MACROD2: variants seen among roughly 807,000 people sequenced by gnomAD.
MACROD2 encodes ADP-ribose glycohydrolase MACROD2.
Under a neutral mutation model 70.4 loss-of-function variants are expected in MACROD2, and 36 were observed. The ratio of observed to expected loss-of-function variants is 0.51; its 90% CI spans 0.39 to 0.68. The LOEUF is 0.68. MACROD2 is among the 30% of genes least tolerant of loss of function. The pLI, the probability that MACROD2 is intolerant of heterozygous loss-of-function variation, is 0.00. For synonymous variants in MACROD2, 172 were observed against 178.8 expected (o/e 0.96, Z 0.30); for missense variants, 496 against 538.4 (o/e 0.92, Z 0.78).
intron 5 of MACROD2, among the ~76,000 whole-genome samples, chr20:14,775,307 G>GAACTGCCCCCAAGATTCAGT (rs2072219496): frequency 6.6e-6 from 1 of 152,028 alleles, no homozygotes; most frequent in African/African-American, 2.4e-5. Flanking sequence ...CTGAGGCGGG[G>GAACTGCCCCCAAGATTCAGT]TAATTTATTT....
intron 3 of MACROD2, among the ~76,000 whole-genome samples, chr20:14,235,422 A>G (rs1173323785): frequency 6.6e-6 from 1 of 152,200 alleles, no homozygotes; most frequent in Non-Finnish European, 1.5e-5. Flanking sequence ...ATAAGCTTAC[A>G]CAGCTAGCAG....
intron 5 of MACROD2, among the ~76,000 whole-genome samples, chr20:14,802,566 T>G (rs1326877486): frequency 6.6e-6 from 1 of 151,994 alleles, no homozygotes; most frequent in African/African-American, 2.4e-5. Context: ...ACATGCTGAG[T>G]GTGCCTATAA....
intron 5 of MACROD2, among the ~76,000 whole-genome samples, chr20:14,770,526 T>A (rs907549453): frequency 6.6e-6 from 1 of 152,128 alleles, no homozygotes; most frequent in Non-Finnish European, 1.5e-5. Flanking sequence ...GAGTGACTAA[T>A]CTCTACATTT....
At chr20:15,702,888 T>C (rs1194977409) in intron 8 of MACROD2, among the ~76,000 whole-genome samples, 3 of 152,228 alleles carry the variant, frequency 2.0e-5, no homozygotes, top group Non-Finnish European at 4.4e-5. Flanking sequence ...AACTTCGAAC[T>C]ATACTATAAG....
At chr20:14,058,836 G>A (rs1160750300) in intron 2 of MACROD2, among the ~76,000 whole-genome samples, 3 of 151,864 alleles carry the variant, frequency 2.0e-5, no homozygotes, top group South Asian at 4.2e-4. Flanking sequence ...TAGAGACGAG[G>A]TTTCACAATG....
intron 6 of MACROD2, among the ~76,000 whole-genome samples, chr20:15,276,184 A>G (rs537882849): frequency 1.4e-3 from 220 of 152,212 alleles, no homozygotes; most frequent in African/African-American, 5.2e-3. Flanking sequence ...GCGGATCACA[A>G]GGTCAGGAGA....
At chr20:15,087,133 A>G (rs2075754986) in intron 5 of MACROD2, among the ~76,000 whole-genome samples, 1 of 152,026 alleles carries the variant, frequency 6.6e-6, no homozygotes, top group Non-Finnish European at 1.5e-5. Context: ...TCTATCAATT[A>G]TCTATCAGTT....
chr20:15,588,706 A>G (rs2048637083), intron 8 of MACROD2, among the ~76,000 whole-genome samples: 1 of 152,164 alleles, frequency 6.6e-6, no homozygotes, highest in South Asian at 2.1e-4. Context: ...CTTTGCTAAA[A>G]CATAACAAGA....
At chr20:15,149,494 G>C (rs369096830) in intron 5 of MACROD2, among the ~76,000 whole-genome samples, 1 of 151,928 alleles carries the variant, frequency 6.6e-6, no homozygotes, top group Non-Finnish European at 1.5e-5. Context: ...GTGGGAGGTC[G>C]GATTGAAGTC....
At chr20:14,215,748 T>A (rs1031550253) in intron 3 of MACROD2, among the ~76,000 whole-genome samples, 6 of 152,222 alleles carry the variant, frequency 3.9e-5, no homozygotes, top group African/African-American at 1.4e-4. Flanking sequence ...TTGATTTGCA[T>A]TTCCCTGATC....
chr20:14,540,498 G>A (rs2423809), intron 4 of MACROD2, among the ~76,000 whole-genome samples: 41,802 of 151,974 alleles, frequency 0.28, 6,037 homozygotes, highest in East Asian at 0.45. Context: ...CTTTCAGAAT[G>A]TGGTATATTT....
chr20:15,126,926 A>G (rs1014797646), intron 5 of MACROD2, among the ~76,000 whole-genome samples: 3 of 152,148 alleles, frequency 2.0e-5, no homozygotes, highest in East Asian at 1.9e-4. Flanking sequence ...GGAATAGTCT[A>G]TAACTGACAT....
intron 3 of MACROD2, among the ~76,000 whole-genome samples, chr20:14,465,102 G>C (rs1049525614): frequency 4.6e-5 from 7 of 152,072 alleles, no homozygotes; most frequent in Non-Finnish European, 1.0e-4. Flanking sequence ...TTAACTTTCT[G>C]TCTCATTGAT....
intron 2 of MACROD2, among the ~76,000 whole-genome samples, chr20:14,032,562 T>C (rs2053258261): frequency 1.3e-5 from 2 of 152,182 alleles, no homozygotes; most frequent in Admixed American, 1.3e-4. Flanking sequence ...TTCTTAGCCA[T>C]CTGAATTTTT....
chr20:15,797,990 A>G (rs1313526958), intron 8 of MACROD2, among the ~76,000 whole-genome samples: 1 of 152,346 alleles, frequency 6.6e-6, no homozygotes, highest in Non-Finnish European at 1.5e-5. Context: ...TGGAAGTTAT[A>G]CATTCTGCAC....
intron 3 of MACROD2, among the ~76,000 whole-genome samples, chr20:14,261,454 G>A (rs367772794): frequency 2.0e-5 from 3 of 151,834 alleles, no homozygotes. Flanking sequence ...CATCTCTTTT[G>A]TTTTAACAGT....
In MACROD2 at chr20:14,211,002, G is replaced by A. The variant is rs941437649; in HGVS notation, c.271+125274G>A. ...ATGCATTGAGGTTTCAAGTCTACAA[G>A]CATGATACTTTTCTTTCAGAGTTTG... On this transcript the variant is annotated intron_variant, in intron 3 of 17. Transcript: ENST00000684519. Among the ~76,000 whole-genome samples, 43 of 152,176 alleles carry A rather than the reference G, an allele frequency of 2.8e-4. 1 individual carries two copies. The highest frequency in any genetic ancestry group is 6.5e-5 in the Admixed American group (1 of 15,278).
chr20:14,464,254 T>G (rs1310978068), intron 3 of MACROD2, among the ~76,000 whole-genome samples: 3 of 152,076 alleles, frequency 2.0e-5, no homozygotes, highest in Non-Finnish European at 4.4e-5. Flanking sequence ...CTTCCTGGTT[T>G]AGTCTTGGGA....
At chr20:14,019,422 A>G (rs1280359391) in intron 2 of MACROD2, among the ~76,000 whole-genome samples, 2 of 152,072 alleles carry the variant, frequency 1.3e-5, no homozygotes, top group Admixed American at 1.3e-4. Context: ...GGCACGTGCC[A>G]CCATGCCCGG....
Sources: allele counts gnomAD v4.1 joint callset (sites outside exome capture counted in the v4.1 genomes callset), GRCh38; gene constraint gnomAD v4.1.1; transcripts MANE v1.5; gene names NCBI Gene and HGNC (gene_info 2026-07-23, HGNC 2026-07-21).